ZNF678: variants seen among roughly 807,000 people sequenced by gnomAD.
ZNF678 encodes hypothetical protein MGC42493.
ZNF678 carries 5 observed loss-of-function variants against 3.0 expected under a neutral mutation model. The ratio of observed to expected loss-of-function variants is 1.69; its 90% CI spans 0.88 to 3.56. ZNF678 has a LOEUF of 3.56. ZNF678 is among the 30% of genes most tolerant of loss of function. The pLI, the probability that ZNF678 is intolerant of heterozygous loss-of-function variation, is 0.00. For synonymous variants in ZNF678, 218 were observed against 199.6 expected (o/e 1.09, Z -0.78); for missense variants, 593 against 605.0 (o/e 0.98, Z 0.21).
chr1:227,654,581 A>T lies in ZNF678; in HGVS notation c.331A>T (p.Ile111Phe). The T allele has an allele frequency of 6.2e-7, 1 of 1,613,410 alleles. No individual in the cohort carries two copies. The highest frequency in any genetic ancestry group is 1.1e-5 in the South Asian group (1 of 91,056). The change falls in exon 4 of 4, where the codon ATC (isoleucine) becomes TTC (phenylalanine). Residue 111 changes from isoleucine to phenylalanine, a missense_variant. Transcript: ENST00000343776. ...TGGCAGAAATTTTAGCTGGAGGTCA[A>T]TCCTTACTGAACATAAGAGAATTCA... ...ECGRNFSWRS[I>F]LTEHKRIHTG...
rs959560042 is a variant in ZNF678, at chr1:227,658,279, A to C, written c.*2451A>C. 1.3e-5 allele frequency: 2 copies of C among 152,050 alleles called. No individual in the cohort carries two copies. The highest frequency in any genetic ancestry group is 6.6e-5 in the Admixed American group (1 of 15,254). The allele number at this position is 152,050 out of a possible 1,614,324, so 9.4% of individuals were successfully genotyped here. A position where few individuals can be genotyped will look rare whatever the true frequency, so the allele number is the denominator to read the frequency against. On this transcript the variant is annotated 3_prime_UTR_variant, in exon 4 of 4. Coordinates refer to ENST00000343776, the MANE Select transcript of ZNF678 (RefSeq NM_001367909.1). ...TCATAATTCACAAAGTTGTTTTGACATATAAATGAGGTGAACAAACACAGG... is the reference window on the plus strand; with the variant it reads ...TCATAATTCACAAAGTTGTTTTGACCTATAAATGAGGTGAACAAACACAGG...
chr1:227,626,769 G>A (rs891565765), intron 1 of ZNF678, among the ~76,000 whole-genome samples: 1 of 152,022 alleles, frequency 6.6e-6, no homozygotes, highest in Non-Finnish European at 1.5e-5. Context: ...GAGGATTGTG[G>A]CCTCCGGGCT....
At position 227,586,671 on chromosome 1, in the gene ZNF678, T is replaced by C. The variant is rs529651887; in HGVS notation, c.-164+22947T>C. Among the ~76,000 whole-genome samples the C allele has an allele frequency of 2.0e-5, 3 of 152,344 alleles. No homozygotes were observed. In the South Asian group the frequency reaches 6.2e-4, roughly 32 times the overall value. ...AAAATCTCTGATTATCACCAACATT[T>C]AAACTCTGCTTGCAAGCACCACTCC... On this transcript the variant is annotated intron_variant, in intron 1 of 3. Transcript: ENST00000343776.
chr1:227,676,492 A>T (rs1004951376), intron 5 of ZNF678, among the ~76,000 whole-genome samples: 3 of 151,226 alleles, frequency 2.0e-5, no homozygotes, highest in African/African-American at 7.3e-5. Flanking sequence ...TCCCCAAAAC[A>T]TTTTTTTTTA....
downstream of ZNF678, chr1:227,662,550 A>AG: frequency 6.6e-6 from 1 of 152,240 alleles, no homozygotes; most frequent in Non-Finnish European, 1.5e-5. Flanking sequence ...GGGAAACTGC[A>AG]GGGCCAAGGA....
Position 227,659,493 on chromosome 1 carries a change from C to A in ZNF678, c.*3665C>A, listed in dbSNP as rs1212291626. The A allele has an allele frequency of 6.6e-6, 1 of 152,106 alleles. No homozygotes were observed. The highest frequency in any genetic ancestry group is 1.5e-5 in the Non-Finnish European group (1 of 68,032). 9.4% of individuals were successfully genotyped at this position (152,106 alleles called of 1,614,324 possible). A position where few individuals can be genotyped will look rare whatever the true frequency, so the allele number is the denominator to read the frequency against. On this transcript the variant is annotated 3_prime_UTR_variant, in exon 4 of 4. Coordinates refer to ENST00000343776, the MANE Select transcript of ZNF678 (RefSeq NM_001367909.1). Reference sequence around the variant, plus strand: ...TCGTCCATATGATCAGCATCAGCACCAGAAACTCCAGGTGTCCCAAACTTA... The same window carrying A: ...TCGTCCATATGATCAGCATCAGCACAAGAAACTCCAGGTGTCCCAAACTTA...
chr1:227,626,450 C>T (rs1263562633), intron 1 of ZNF678, among the ~76,000 whole-genome samples: 1 of 152,164 alleles, frequency 6.6e-6, no homozygotes, highest in Non-Finnish European at 1.5e-5. Flanking sequence ...AATACCATGT[C>T]ACCAGGTTGG....
At chr1:227,651,156 C>T (rs1014176733) in intron 3 of ZNF678, 80 bp downstream of exon 3, 2 of 1,492,824 alleles carry the variant, frequency 1.3e-6, no homozygotes, top group Non-Finnish European at 1.8e-6. Flanking sequence ...ATACCTGAGT[C>T]CTAAGGTTGT....
Position 227,660,365 on chromosome 1 carries a change from A to G in ZNF678, c.*4537A>G, listed in dbSNP as rs906168170. The G allele has an allele frequency of 1.3e-5, 2 of 151,832 alleles. No individual in the cohort carries two copies. The highest frequency in any genetic ancestry group is 6.6e-5 in the Admixed American group (1 of 15,244). The allele number at this position is 151,832 out of a possible 1,614,324, so 9.4% of individuals were successfully genotyped here. A position where few individuals can be genotyped will look rare whatever the true frequency, so the allele number is the denominator to read the frequency against. On this transcript the variant is annotated 3_prime_UTR_variant, in exon 4 of 4. Coordinates refer to ENST00000343776, the MANE Select transcript of ZNF678 (RefSeq NM_001367909.1). The stretch of plus-strand genomic sequence containing the variant: ...TTAGCAATATTAATTTGGCCAATTT[A>G]TGAATAAGGGATAACTTTTCATTTA...
chr1:227,644,421 T>C (rs1386087655), intron 1 of ZNF678, among the ~76,000 whole-genome samples: 1 of 152,200 alleles, frequency 6.6e-6, no homozygotes, highest in African/African-American at 2.4e-5. Context: ...GCCCAGACAT[T>C]GTGGTCCTCT....
intron 1 of ZNF678, among the ~76,000 whole-genome samples, chr1:227,639,737 G>A (rs1467216768): frequency 1.3e-5 from 2 of 152,164 alleles, no homozygotes; most frequent in Non-Finnish European, 2.9e-5. Flanking sequence ...CAGTAGGCTG[G>A]GCAGGAGCTT....
chr1:227,628,910 T>C (rs997775433), intron 1 of ZNF678, among the ~76,000 whole-genome samples: 3 of 152,046 alleles, frequency 2.0e-5, no homozygotes, highest in African/African-American at 7.2e-5. Flanking sequence ...GAATTGAGAG[T>C]CAGGATGTAC....
intron 1 of ZNF678, among the ~76,000 whole-genome samples, chr1:227,643,608 A>T (rs1190577239): frequency 1.3e-5 from 2 of 152,192 alleles, no homozygotes; most frequent in Non-Finnish European, 2.9e-5. Flanking sequence ...ATCCAAACAG[A>T]TAAATGGGAG....
chr1:227,574,457 C>T (rs966448977), intron 1 of ZNF678, among the ~76,000 whole-genome samples: 13 of 152,130 alleles, frequency 8.5e-5, no homozygotes, highest in Non-Finnish European at 1.5e-5. Context: ...TTTTTGGTTG[C>T]ATGGATGTTT....
chr1:227,635,730 A>C (rs1425727244), intron 1 of ZNF678, among the ~76,000 whole-genome samples: 1 of 152,020 alleles, frequency 6.6e-6, no homozygotes, highest in Non-Finnish European at 1.5e-5. Flanking sequence ...CCTCTTTCTC[A>C]ATCTTCAGGG....
rs1204472244 is a variant in ZNF678, at chr1:227,627,226, G to T, written c.-163-19318G>T. Reference sequence around the variant, plus strand: ...TATCAATGCCTAAGCGAAAGGTTTGGTGAAGGGTTTTAAGTAATTTCCATT... The same window carrying T: ...TATCAATGCCTAAGCGAAAGGTTTGTTGAAGGGTTTTAAGTAATTTCCATT... On this transcript the variant is annotated intron_variant, in intron 1 of 3. Transcript: ENST00000343776. Among the ~76,000 whole-genome samples, 6 of 151,828 alleles carry T rather than the reference G, an allele frequency of 4.0e-5. No homozygotes were observed. The East Asian group carries it at 1.2e-3, about 29-fold the overall frequency.
intron 1 of ZNF678, among the ~76,000 whole-genome samples, chr1:227,595,269 GTCTCTCTC>G (rs148351161): frequency 1.4e-5 from 2 of 143,666 alleles, no homozygotes; most frequent in African/African-American, 5.2e-5. Context: ...TCTCTTCTCT[GTCTCTCTC>G]TCTCTCTCTC....
intron 1 of ZNF678, among the ~76,000 whole-genome samples, chr1:227,623,957 T>C (rs1472695174): frequency 6.6e-6 from 1 of 152,186 alleles, no homozygotes; most frequent in Non-Finnish European, 1.5e-5. Context: ...GGACTCTATG[T>C]TTCCTAACTT....
intron 1 of ZNF678, among the ~76,000 whole-genome samples, chr1:227,633,850 T>A (rs977591208): frequency 3.3e-5 from 5 of 152,092 alleles, no homozygotes; most frequent in African/African-American, 1.2e-4. Context: ...CCAGAGCCAG[T>A]GGACTAGTGG....
Sources: allele counts gnomAD v4.1 joint callset (sites outside exome capture counted in the v4.1 genomes callset), GRCh38; gene constraint gnomAD v4.1.1; transcripts MANE v1.5; gene names NCBI Gene and HGNC (gene_info 2026-07-23, HGNC 2026-07-21).